Variants in DENND1B observed in about 807,000 individuals in gnomAD.
The protein encoded by DENND1B is DENN domain containing 1B.
Under a neutral mutation model 90.1 loss-of-function variants are expected in DENND1B, and 59 were observed. That is an observed-to-expected ratio of 0.65 (90% confidence interval 0.53 to 0.81). The LOEUF (loss-of-function observed/expected upper bound fraction) is 0.81, where lower values mean the gene tolerates loss of function less well. DENND1B is among the 40% of genes least tolerant of loss of function. The probability of loss-of-function intolerance (pLI) is 0.00; values close to 1 mark genes in which losing one functional copy is unlikely to be tolerated. For missense variants in DENND1B, 862 were observed against 912.6 expected (o/e 0.94, Z 0.71); for synonymous variants, 337 against 324.6 (o/e 1.04, Z -0.41).
chr1:197,675,297 A>G (rs541812354), intron 3 of DENND1B, among the ~76,000 whole-genome samples: 1 of 152,284 alleles, frequency 6.6e-6, no homozygotes, highest in South Asian at 2.1e-4. Context: ...TGAGTGTTTT[A>G]AAGTAGAATT....
intron 2 of DENND1B, among the ~76,000 whole-genome samples, chr1:197,751,613 G>C (rs892548261): frequency 6.6e-6 from 1 of 152,172 alleles, no homozygotes; most frequent in Non-Finnish European, 1.5e-5. Context: ...GGAGGCCGAG[G>C]TGGGTGGATC....
intron 15 of DENND1B, among the ~76,000 whole-genome samples, chr1:197,580,547 C>CT (rs1236715403): frequency 6.6e-6 from 1 of 152,042 alleles, no homozygotes; most frequent in South Asian, 2.1e-4. Flanking sequence ...TTCCTGAGGT[C>CT]TGGGGGCACT....
intron 10 of DENND1B, among the ~76,000 whole-genome samples, chr1:197,620,195 T>TA (rs929273153): frequency 8.0e-5 from 12 of 150,042 alleles, no homozygotes; most frequent in South Asian, 2.1e-4. Flanking sequence ...CTGTGAAACT[T>TA]AAAAAAAAAT....
At chr1:197,758,197 C>T (rs114356669) in intron 2 of DENND1B, among the ~76,000 whole-genome samples, 3,479 of 152,260 alleles carry the variant, frequency 0.023, 58 homozygotes, top group Non-Finnish European at 0.033. Context: ...GCTAAATATC[C>T]TTTTCAAAGT....
chr1:197,681,024 T>C (rs1334766235), intron 3 of DENND1B, among the ~76,000 whole-genome samples: 2 of 152,180 alleles, frequency 1.3e-5, no homozygotes, highest in African/African-American at 4.8e-5. Context: ...TAACTCTTGT[T>C]ATATGAATTT....
chr1:197,733,108 C>CA (rs1328804151), intron 2 of DENND1B, among the ~76,000 whole-genome samples: 1 of 152,092 alleles, frequency 6.6e-6, no homozygotes, highest in Non-Finnish European at 1.5e-5. Context: ...TTTGTACTCA[C>CA]ACAACAAGAA....
intron 2 of DENND1B, among the ~76,000 whole-genome samples, chr1:197,765,399 C>T (rs1344755782): frequency 6.6e-6 from 1 of 152,086 alleles, no homozygotes; most frequent in Non-Finnish European, 1.5e-5. Context: ...TGGCCATCTG[C>T]GTAAAGCACT....
At chr1:197,576,148 G>A (rs1319182528) in intron 15 of DENND1B, among the ~76,000 whole-genome samples, 1 of 152,026 alleles carries the variant, frequency 6.6e-6, no homozygotes, top group East Asian at 1.9e-4. Context: ...AATGATCAAT[G>A]TAAGAGTTGA....
At chr1:197,589,384 A>G (rs1268317971) in intron 14 of DENND1B, among the ~76,000 whole-genome samples, 2 of 152,180 alleles carry the variant, frequency 1.3e-5, no homozygotes, top group Admixed American at 1.3e-4. Flanking sequence ...AAAAAGCCAG[A>G]TGCACACCAA....
rs1558432999 is a variant in DENND1B, at chr1:197,713,816, TATAATATATTATA to T, written c.126+1202_126+1214del. 6.1e-4 allele frequency among the ~76,000 whole-genome samples: 39 copies of T among 63,712 alleles called. 1 individual carries two copies. In the East Asian group the frequency reaches 9.9e-3, roughly 16 times the overall value. 41.8% of individuals were successfully genotyped at this position (63,712 alleles called of 152,430 possible). A position where few individuals can be genotyped will look rare whatever the true frequency, so the allele number is the denominator to read the frequency against. ...TATTATTATATTATAATATATTATA[TATAATATATTATA>T]TATAATATATTATATTATATTATTA... On this transcript the variant is annotated intron_variant, in intron 3 of 22. Transcript: ENST00000620048.
rs1672471040 is a variant in DENND1B at position 197,564,627 on chromosome 1, G to A, written c.1150-11515C>T. On this transcript the variant is annotated intron_variant, in intron 15 of 22. Transcript: ENST00000620048. ...AATATTCACTTTATTGTAGTGGTCTGGAACTGAACCCACACTATCTCTGAG... is the reference window on the plus strand; with the variant it reads ...AATATTCACTTTATTGTAGTGGTCTAGAACTGAACCCACACTATCTCTGAG... Among the ~76,000 whole-genome samples the A allele has an allele frequency of 2.6e-5, 4 of 151,940 alleles. 1 individual carries two copies. The South Asian group carries it at 8.3e-4, about 32-fold the overall frequency.
At chr1:197,559,140 A>C (rs1671951561) in intron 15 of DENND1B, among the ~76,000 whole-genome samples, 1 of 151,962 alleles carries the variant, frequency 6.6e-6, no homozygotes, top group Non-Finnish European at 1.5e-5. Context: ...TGAATCTAAA[A>C]ATCCTAAAAC....
chr1:197,607,006 TA>T, intron 13 of DENND1B, 66 bp downstream of exon 13: 1 of 1,191,030 alleles, frequency 8.4e-7, no homozygotes, highest in Non-Finnish European at 1.2e-6. Flanking sequence ...GTGGGAAAAA[TA>T]ACTTAGTAAT....
intron 2 of DENND1B, among the ~76,000 whole-genome samples, chr1:197,763,067 T>C (rs912708161): frequency 6.6e-6 from 1 of 152,126 alleles, no homozygotes; most frequent in Non-Finnish European, 1.5e-5. Flanking sequence ...TCCCAGCACT[T>C]TGGGAGGCCA....
chr1:197,539,566 A>C (rs1051696273), intron 20 of DENND1B, among the ~76,000 whole-genome samples: 21 of 152,234 alleles, frequency 1.4e-4, no homozygotes, highest in Non-Finnish European at 2.6e-4. Flanking sequence ...ATAGACTTAT[A>C]GTAGTTCAGA....
chr1:197,622,972 T>C (rs1426338922), intron 10 of DENND1B, among the ~76,000 whole-genome samples: 1 of 151,344 alleles, frequency 6.6e-6, no homozygotes, highest in African/African-American at 2.4e-5. Context: ...TAATCACCAC[T>C]ATGAAAAATA....
intron 9 of DENND1B, among the ~76,000 whole-genome samples, chr1:197,643,677 A>T (rs562540885): frequency 6.6e-6 from 1 of 152,268 alleles, no homozygotes; most frequent in South Asian, 2.1e-4. Context: ...TACCTTGTTT[A>T]TACTTCATGT....
chr1:197,769,098 C>A (rs1656083919), intron 2 of DENND1B, among the ~76,000 whole-genome samples: 1 of 152,054 alleles, frequency 6.6e-6, no homozygotes, highest in Admixed American at 6.5e-5. Flanking sequence ...GAGAAGCATG[C>A]CAAATACCTT....
chr1:197,679,881 G>A (rs899948342), intron 3 of DENND1B, among the ~76,000 whole-genome samples: 1 of 146,982 alleles, frequency 6.8e-6, no homozygotes, highest in Non-Finnish European at 1.5e-5. Context: ...CAGGCATGGT[G>A]GCTCACACCT....
Sources: gnomAD v4.1 joint callset for allele counts (sites outside exome capture counted in the v4.1 genomes callset) on GRCh38, gnomAD v4.1.1 for gene constraint, MANE v1.5 for transcripts, NCBI Gene and HGNC (gene_info 2026-07-23, HGNC 2026-07-21) for gene names.